The following ZNF316 variants were observed in gnomAD, a reference collection of about 807,000 sequenced individuals.
ZNF316 encodes the protein zinc finger protein 316.
In ZNF316, 23 loss-of-function variants were observed where a neutral mutation model predicts 75.6. That is an observed-to-expected ratio of 0.30 (90% confidence interval 0.22 to 0.43). The LOEUF is 0.43. Ranked by LOEUF, ZNF316 falls within the 20% of genes least tolerant of loss-of-function variation. The probability of loss-of-function intolerance (pLI) is 1.00; values close to 1 mark genes in which losing one functional copy is unlikely to be tolerated. For synonymous variants in ZNF316, 827 were observed against 666.2 expected (o/e 1.24, Z -3.72); for missense variants, 1,266 against 1,409.4 (o/e 0.90, Z 1.63).
chr7:6,640,890 T>A lies in ZNF316; in HGVS notation c.-166-935T>A, dbSNP rs1235919827. ...CTGCCCCTTTGCCTCCCTCCACGAGTGGAAGCTTCCTGAGGCCCTCCCCAG... is the reference window on the plus strand; with the variant it reads ...CTGCCCCTTTGCCTCCCTCCACGAGAGGAAGCTTCCTGAGGCCCTCCCCAG... On this transcript the variant is annotated intron_variant, in intron 3 of 8. Transcript: ENST00000382252. The surrounding 1 kb of genome is among the most constrained non-coding windows in gnomAD (Gnocchi z 5.1). 1.3e-5 allele frequency among the ~76,000 whole-genome samples: 2 copies of A among 152,144 alleles called. No individual in the cohort carries two copies. Among genetic ancestry groups the A allele is most frequent in the African/African-American group, 4.8e-5 (2 of 41,446 alleles).
At position 6,643,066 on chromosome 7, in the gene ZNF316, G is replaced by A. The variant is rs534250636; in HGVS notation, c.458G>A (p.Gly153Glu). 2 of 1,235,734 alleles carry A rather than the reference G, an allele frequency of 1.6e-6. No individual in the cohort carries two copies. Among genetic ancestry groups the A allele is most frequent in the South Asian group, 8.2e-5 (2 of 24,490 alleles). The allele number at this position is 1,235,734 out of a possible 1,614,324, so 76.5% of individuals were successfully genotyped here. A position where few individuals can be genotyped will look rare whatever the true frequency, so the allele number is the denominator to read the frequency against. The change falls in exon 6 of 9, where the codon GGG becomes GAG. Residue 153 changes from glycine to glutamate, a missense_variant. By Grantham distance (98) the Gly-to-Glu change is moderately conservative. Around this residue, in one of 3 missense-constraint regions of ZNF316, gnomAD observed 961 missense variants for 990.9 expected, o/e 0.97. Transcript: ENST00000382252. The stretch of plus-strand genomic sequence containing the variant: ...GACGAGGATGATTTGCTGACGGCTG[G>A]GTGTCAGGTGAGCCGCCCTCTCCGT... ...DEDEDDLLTA[G>E]CQELVTFEDV...
At position 6,657,877 on chromosome 7, in the gene ZNF316, T is replaced by C. The variant is rs1056907519; in HGVS notation, c.*3266T>C. Among the ~76,000 whole-genome samples the C allele has an allele frequency of 5.3e-5, 7 of 131,826 alleles. No individual in the cohort carries two copies. The East Asian group carries it at 6.7e-4, about 13-fold the overall frequency. 86.5% of individuals were successfully genotyped at this position (131,826 alleles called of 152,430 possible). On this transcript the variant is annotated 3_prime_UTR_variant, in exon 9 of 9. Coordinates refer to ENST00000382252, the MANE Select transcript of ZNF316 (RefSeq NM_001278559.2). ...AAAAAAGGTTCCCCGATAGAACTTA[T>C]AGTTGACTGTCCAGCCAAATACTTA...
chr7:6,656,651 C>A lies in ZNF316; in HGVS notation c.*2040C>A, dbSNP rs1010836354. 1.3e-5 allele frequency among the ~76,000 whole-genome samples: 2 copies of A among 152,234 alleles called. No individual in the cohort carries two copies. Among genetic ancestry groups the A allele is most frequent in the African/African-American group, 4.8e-5 (2 of 41,454 alleles). ...TATTCCTTGGTGGCCCCCACGCTGC[C>A]CCACACTTGATGTAGTGTAAACACC... On this transcript the variant is annotated 3_prime_UTR_variant, in exon 9 of 9. Transcript: ENST00000382252.
chr7:6,657,980 C>A lies in ZNF316; in HGVS notation c.*3369C>A, dbSNP rs1267951003. Among the ~76,000 whole-genome samples the A allele has an allele frequency of 6.6e-6, 1 of 152,016 alleles. No individual in the cohort carries two copies. On this transcript the variant is annotated 3_prime_UTR_variant, in exon 9 of 9. Transcript: ENST00000382252. ...AAAAAAAGTAGACACCCTTTATTGC[C>A]AAGGAGGAATTAAACCCTAGTGACT...
intron 3 of ZNF316, among the ~76,000 whole-genome samples, chr7:6,641,460 G>C (rs1000267950): frequency 2.0e-5 from 3 of 152,232 alleles, no homozygotes; most frequent in Admixed American, 1.3e-4. Context: ...CCCCACAGGG[G>C]CTAGTGAAGG....
chr7:6,653,507 G>A lies in ZNF316; in HGVS notation c.1911G>A (p.Gly637=). The A allele has an allele frequency of 8.2e-7, 1 of 1,220,334 alleles. No individual in the cohort carries two copies. The highest frequency in any genetic ancestry group is 3.2e-5 in the East Asian group (1 of 31,062). The allele number at this position is 1,220,334 out of a possible 1,614,324, so 75.6% of individuals were successfully genotyped here. ...GGCGCCCGCTCCCGGCGCCCCTGGG[G>A]GGCCCGCTCTCCCTGGTGGAGGGTA... ...VDGRPLPAPL[G]GPLSLVEGTG... Residue 637 remains glycine (G), a synonymous_variant, in exon 9 of 9, where the codon GGG becomes GGA. Transcript: ENST00000382252.
chr7:6,653,559 G>A lies in ZNF316; in HGVS notation c.1963G>A (p.Gly655Ser), dbSNP rs1779558199. 6 of 1,165,206 alleles carry A rather than the reference G, an allele frequency of 5.1e-6. No individual in the cohort carries two copies. Among genetic ancestry groups the A allele is most frequent in the East Asian group, 7.7e-5 (2 of 26,038 alleles). 72.2% of individuals were successfully genotyped at this position (1,165,206 alleles called of 1,614,324 possible). A position where few individuals can be genotyped will look rare whatever the true frequency, so the allele number is the denominator to read the frequency against. Residue 655 changes from glycine to serine, a missense_variant, in exon 9 of 9, where the codon GGC (glycine) becomes AGC (serine). Physicochemically the swap from Gly to Ser is moderately conservative, Grantham distance 56. Transcript: ENST00000382252. Reference sequence around the variant, plus strand: ...CGGGCTGGCGTGCGACCCTTTCGGCGGCGGCGGGGCCGCGGGCGGCGGAGG... The same window carrying A: ...CGGGCTGGCGTGCGACCCTTTCGGCAGCGGCGGGGCCGCGGGCGGCGGAGG... Reference protein sequence around the residue: ...GTGLACDPFGGGGAAGGGGGL... With the variant: ...GTGLACDPFGSGGAAGGGGGL...
At chr7:6,645,216 C>A (rs1309105161) in intron 8 of ZNF316, among the ~76,000 whole-genome samples, 3 of 152,214 alleles carry the variant, frequency 2.0e-5, no homozygotes, top group Non-Finnish European at 2.9e-5. Context: ...CAGGTTCCCA[C>A]TGGGGGACGC....
At chr7:6,647,935 A>T (rs112737924) in intron 8 of ZNF316, among the ~76,000 whole-genome samples, 1,890 of 152,274 alleles carry the variant, frequency 0.012, 44 homozygotes, top group African/African-American at 0.043. Flanking sequence ...TAGGGCCCCC[A>T]CGCTGTGCCC....
In ZNF316 at chr7:6,654,557, G is replaced by C. The variant is rs1244534525; in HGVS notation, c.2961G>C (p.Glu987Asp). The C allele has an allele frequency of 5.1e-6, 6 of 1,187,150 alleles. No individual in the cohort carries two copies. The African/African-American group carries it at 8.0e-5, about 16-fold the overall frequency. The allele number at this position is 1,187,150 out of a possible 1,614,324, so 73.5% of individuals were successfully genotyped here. A position where few individuals can be genotyped will look rare whatever the true frequency, so the allele number is the denominator to read the frequency against. ...EFAGGTSFGS[E>D]HQAAFAGPSG... ...CGGGCGGCACAAGCTTCGGCTCCGA[G>C]CACCAGGCCGCGTTCGCCGGGCCCT... The change falls in exon 9 of 9, where the codon GAG becomes GAC. Residue 987 changes from glutamate to aspartate, a missense_variant. This residue lies in a region of ZNF316 where 111 missense variants were observed against 99.2 expected (regional missense o/e 1.12). Transcript: ENST00000382252.
intron 8 of ZNF316, among the ~76,000 whole-genome samples, chr7:6,646,627 A>T (rs1018194212): frequency 5.9e-5 from 9 of 151,718 alleles, no homozygotes; most frequent in Non-Finnish European, 1.2e-4. Context: ...CCCGGCCCTG[A>T]GTGGGTGTGT....
At position 6,654,125 on chromosome 7, in the gene ZNF316, C is replaced by T. The variant is rs1052904239; in HGVS notation, c.2529C>T (p.Ser843=). Residue 843 remains serine, a synonymous_variant, in exon 9 of 9, where the codon AGC becomes AGT. Transcript: ENST00000382252. ...ACTGCGGCAAGGGCTTCGGCCACAGCTCGGACTTCAAGCGGCATCGGCGCA... is the reference window on the plus strand; with the variant it reads ...ACTGCGGCAAGGGCTTCGGCCACAGTTCGGACTTCAAGCGGCATCGGCGCA... The part of the protein sequence containing the change: ...CPDCGKGFGH[S]SDFKRHRRTH... 8.2e-7 allele frequency: 1 copy of T among 1,220,430 alleles called. No individual in the cohort carries two copies. The highest frequency in any genetic ancestry group is 1.0e-6 in the Non-Finnish European group (1 of 979,902). The allele number at this position is 1,220,430 out of a possible 1,614,324, so 75.6% of individuals were successfully genotyped here. A position where few individuals can be genotyped will look rare whatever the true frequency, so the allele number is the denominator to read the frequency against.
Position 6,653,212 on chromosome 7 carries a change from G to A in ZNF316, c.1616G>A (p.Gly539Glu). 2.5e-6 allele frequency: 3 copies of A among 1,222,500 alleles called. No individual in the cohort carries two copies. The highest frequency in any genetic ancestry group is 3.2e-4 in the Middle Eastern group (1 of 3,158). The allele number at this position is 1,222,500 out of a possible 1,614,324, so 75.7% of individuals were successfully genotyped here. ...GPEDTDPGPE[G>E]SEVGEADGEA... ...GAGGACACGGACCCTGGGCCAGAGG[G>A]ATCTGAAGTTGGCGAGGCGGACGGA... The change falls in exon 9 of 9, where the codon GGA (glycine) becomes GAA (glutamate). Residue 539 changes from glycine (G) to glutamate (E), a missense_variant. Physicochemically the swap from Gly to Glu is moderately conservative, Grantham distance 98. This residue lies in a region of ZNF316 where 961 missense variants were observed against 990.9 expected (regional missense o/e 0.97). Transcript: ENST00000382252.
rs1486839793 is a variant in ZNF316 at position 6,652,411 on chromosome 7, C to T, written c.815C>T (p.Ala272Val). The change falls in exon 9 of 9, where the codon GCG (alanine) becomes GTG (valine). Residue 272 changes from alanine (A) to valine (V), a missense_variant. Transcript: ENST00000382252. ...EENEPPGLWS[A>V]AYGVGDVPGT... ...AACGAGCCCCCAGGGCTCTGGTCGG[C>T]GGCCTACGGCGTGGGGGACGTGCCT... 6 of 1,232,122 alleles carry T rather than the reference C, an allele frequency of 4.9e-6. No individual in the cohort carries two copies. Among genetic ancestry groups the T allele is most frequent in the African/African-American group, 3.1e-5 (2 of 64,418 alleles). 76.3% of individuals were successfully genotyped at this position (1,232,122 alleles called of 1,614,324 possible).
Position 6,654,613 on chromosome 7 carries a change from G to A in ZNF316, c.*2G>A. 2 of 1,185,364 alleles carry A rather than the reference G, an allele frequency of 1.7e-6. No homozygotes were observed. The highest frequency in any genetic ancestry group is 2.1e-6 in the Non-Finnish European group (2 of 957,998). 73.4% of individuals were successfully genotyped at this position (1,185,364 alleles called of 1,614,324 possible). A position where few individuals can be genotyped will look rare whatever the true frequency, so the allele number is the denominator to read the frequency against. On this transcript the variant is annotated 3_prime_UTR_variant, in exon 9 of 9. Coordinates refer to ENST00000382252, the MANE Select transcript of ZNF316 (RefSeq NM_001278559.2). Reference sequence around the variant, plus strand: ...GCCTACCGGGAGGGCGTCCTGTGAGGGGCCCGGGGCCGACAGCAGCGCAGC... The same window carrying A: ...GCCTACCGGGAGGGCGTCCTGTGAGAGGCCCGGGGCCGACAGCAGCGCAGC...
At position 6,652,572 on chromosome 7, in the gene ZNF316, C is replaced by G. The variant is rs554793791; in HGVS notation, c.976C>G (p.Leu326Val). ...GCCCGGCCGGGAGCCGGGTGCGAAC[C>G]TGCTGTCGCCCTGGGCGTTCCCCGC... ...FLPGREPGANLLSPWAFPAAV... is the reference protein window; with the variant it reads ...FLPGREPGANVLSPWAFPAAV... Residue 326 changes from leucine (L) to valine (V), a missense_variant, in exon 9 of 9, where the codon CTG becomes GTG. Leu to Val is a conservative substitution (Grantham distance 32, BLOSUM62 1). Around this residue, in one of 3 missense-constraint regions of ZNF316, gnomAD observed 961 missense variants for 990.9 expected, o/e 0.97. Coordinates refer to ENST00000382252, the MANE Select transcript of ZNF316 (RefSeq NM_001278559.2). 26 of 1,230,758 alleles carry G rather than the reference C, an allele frequency of 2.1e-5. No homozygotes were observed. The African/African-American group carries it at 3.7e-4, about 18-fold the overall frequency. The allele number at this position is 1,230,758 out of a possible 1,614,324, so 76.2% of individuals were successfully genotyped here.
intron 6 of ZNF316, 85 bp downstream of exon 6, chr7:6,643,158 G>A (rs1294417658): frequency 1.1e-5 from 13 of 1,229,192 alleles, no homozygotes; most frequent in Non-Finnish European, 1.3e-5. Context: ...GGAGGCGTCT[G>A]TTGGCAGCGG....
chr7:6,647,788 GC>G (rs150922781), intron 8 of ZNF316, among the ~76,000 whole-genome samples: 2,832 of 152,320 alleles, frequency 0.019, 87 homozygotes, highest in African/African-American at 0.063. Context: ...GTGTGTGTGG[GC>G]TACACCGAGC....
Position 6,654,105 on chromosome 7 carries a change from G to A in ZNF316, c.2509G>A (p.Gly837Ser). Residue 837 changes from glycine to serine, a missense_variant, in exon 9 of 9, where the codon GGC becomes AGC. Gly to Ser is a moderately conservative substitution (Grantham distance 56). This residue lies in a region of ZNF316 where 194 missense variants were observed against 319.2 expected (regional missense o/e 0.61). Coordinates refer to ENST00000382252, the MANE Select transcript of ZNF316 (RefSeq NM_001278559.2). Reference protein sequence around the residue: ...EEKPHRCPDCGKGFGHSSDFK... With the variant: ...EEKPHRCPDCSKGFGHSSDFK... The stretch of plus-strand genomic sequence containing the variant: ...GAAGCCGCACCGCTGCCCCGACTGC[G>A]GCAAGGGCTTCGGCCACAGCTCGGA... The A allele has an allele frequency of 8.2e-7, 1 of 1,219,518 alleles. No homozygotes were observed. The highest frequency in any genetic ancestry group is 1.0e-6 in the Non-Finnish European group (1 of 979,318). The allele number at this position is 1,219,518 out of a possible 1,614,324, so 75.5% of individuals were successfully genotyped here. A position where few individuals can be genotyped will look rare whatever the true frequency, so the allele number is the denominator to read the frequency against.
Sources: gnomAD v4.1 joint callset for allele counts (sites outside exome capture counted in the v4.1 genomes callset) on GRCh38, gnomAD v4.1.1 for gene constraint, gnomAD v4.1.1 regional missense constraint, Gnocchi (gnomAD v3.1) non-coding constraint, MANE v1.5 for transcripts, NCBI Gene and HGNC (gene_info 2026-07-23, HGNC 2026-07-21) for gene names.